The following ST6GALNAC5 variants were observed in gnomAD, a reference collection of about 807,000 sequenced individuals.
The protein encoded by ST6GALNAC5 is alpha-N-acetylgalactosaminide alpha-2,6-sialyltransferase 5.
ST6GALNAC5 carries 27 observed loss-of-function variants against 33.6 expected under a neutral mutation model. The observed-to-expected ratio is 0.80, with a 90% CI of 0.59 to 1.11. ST6GALNAC5 has a LOEUF of 1.11. ST6GALNAC5 is among the 50% of genes least tolerant of loss of function. The probability of loss-of-function intolerance (pLI) is 0.00; values close to 1 mark genes in which losing one functional copy is unlikely to be tolerated. For missense variants in ST6GALNAC5, 428 were observed against 454.0 expected (o/e 0.94, Z 0.52); for synonymous variants, 194 against 171.2 (o/e 1.13, Z -1.04).
At chr1:76,881,279 G>A (rs1533849) in intron 2 of ST6GALNAC5, among the ~76,000 whole-genome samples, 52,785 of 151,978 alleles carry the variant, frequency 0.35, 10,344 homozygotes, top group Non-Finnish European at 0.44. Flanking sequence ...CATAAGCTCC[G>A]AGTCTTAAAC....
chr1:77,063,168 CT>C lies in ST6GALNAC5; in HGVS notation c.975del (p.Ala326LeufsTer2). 1 of 1,613,784 alleles carries C rather than the reference CT, an allele frequency of 6.2e-7. No individual in the cohort carries two copies. Among genetic ancestry groups the C allele is most frequent in the Non-Finnish European group, 8.5e-7 (1 of 1,179,820 alleles). On this transcript the variant is annotated frameshift_variant, in exon 5 of 5. Coordinates refer to ENST00000477717, the MANE Select transcript of ST6GALNAC5 (RefSeq NM_030965.3). LOFTEE classifies it high-confidence loss of function. ...FFQPDWKPES[L>X]AINHPENKPV... ...TCAACCAGACTGGAAACCAGAATCA[CT>C]TGCTATAAATCATCCTGAGAATAAA...
chr1:76,975,713 T>G (rs565465747), intron 2 of ST6GALNAC5, among the ~76,000 whole-genome samples: 1 of 152,198 alleles, frequency 6.6e-6, no homozygotes, highest in African/African-American at 2.4e-5. Flanking sequence ...AGTTTAAACA[T>G]GAGAAAATTT....
At chr1:76,959,077 G>T (rs977210882) in intron 2 of ST6GALNAC5, among the ~76,000 whole-genome samples, 13 of 152,136 alleles carry the variant, frequency 8.5e-5, no homozygotes, top group African/African-American at 2.9e-4. Context: ...TGGCTCTGCA[G>T]GTGTCAGATT....
intron 2 of ST6GALNAC5, among the ~76,000 whole-genome samples, chr1:76,962,897 T>G (rs1648297658): frequency 6.6e-6 from 1 of 152,240 alleles, no homozygotes; most frequent in Non-Finnish European, 1.5e-5. Context: ...AATTCTTTAC[T>G]GTTTACCAAG....
intron 2 of ST6GALNAC5, among the ~76,000 whole-genome samples, chr1:76,930,296 T>C (rs776434872): frequency 6.6e-6 from 1 of 152,192 alleles, no homozygotes; most frequent in Non-Finnish European, 1.5e-5. Context: ...GTATCTGGCA[T>C]AGAGTGCATA....
chr1:76,911,205 T>C (rs1646908133), intron 2 of ST6GALNAC5, among the ~76,000 whole-genome samples: 1 of 152,184 alleles, frequency 6.6e-6, no homozygotes, highest in African/African-American at 2.4e-5. Flanking sequence ...GATAATCATG[T>C]GGTTTTTGTC....
intron 2 of ST6GALNAC5, among the ~76,000 whole-genome samples, chr1:77,011,837 A>G (rs1161729657): frequency 6.6e-6 from 1 of 152,214 alleles, no homozygotes; most frequent in East Asian, 1.9e-4. Context: ...AATGATAATA[A>G]TATAGTAACT....
intron 2 of ST6GALNAC5, among the ~76,000 whole-genome samples, chr1:76,870,838 AG>A (rs1231290684): frequency 1.3e-5 from 2 of 152,198 alleles, no homozygotes; most frequent in Non-Finnish European, 2.9e-5. Context: ...CTATACCCAA[AG>A]GTTTTGAGGG....
intron 2 of ST6GALNAC5, among the ~76,000 whole-genome samples, chr1:76,989,318 G>A (rs1252868828): frequency 2.0e-5 from 3 of 149,878 alleles, no homozygotes; most frequent in Non-Finnish European, 4.4e-5. Context: ...TTCCTTAGTT[G>A]TGCAAGCTCA....
intron 2 of ST6GALNAC5, among the ~76,000 whole-genome samples, chr1:76,922,833 G>A (rs1647047833): frequency 6.6e-6 from 1 of 151,944 alleles, no homozygotes; most frequent in Admixed American, 6.6e-5. Context: ...CTACTCGGGA[G>A]GCTGAAGAGG....
intron 2 of ST6GALNAC5, among the ~76,000 whole-genome samples, chr1:76,906,380 G>A (rs1035726224): frequency 6.6e-6 from 1 of 152,146 alleles, no homozygotes; most frequent in Admixed American, 6.6e-5. Context: ...AAATGAAGTG[G>A]CAGTGTCTTT....
chr1:77,003,719 T>C (rs2100414016), intron 2 of ST6GALNAC5, among the ~76,000 whole-genome samples: 1 of 152,060 alleles, frequency 6.6e-6, no homozygotes, highest in Non-Finnish European at 1.5e-5. Context: ...TTTGCTTGTC[T>C]GTAAAGGATT....
intron 2 of ST6GALNAC5, among the ~76,000 whole-genome samples, chr1:76,964,098 G>T (rs1397773206): frequency 3.3e-5 from 5 of 152,114 alleles, no homozygotes; most frequent in Non-Finnish European, 7.4e-5. Context: ...CCAACACTTT[G>T]ATCTTAGCCC....
At chr1:76,970,018 A>C (rs985135711) in intron 2 of ST6GALNAC5, among the ~76,000 whole-genome samples, 4 of 152,094 alleles carry the variant, frequency 2.6e-5, no homozygotes, top group Non-Finnish European at 5.9e-5. Context: ...AGGACAAAAA[A>C]GGACATCCAC....
At chr1:76,930,630 T>C (rs1647130888) in intron 2 of ST6GALNAC5, among the ~76,000 whole-genome samples, 1 of 152,136 alleles carries the variant, frequency 6.6e-6, no homozygotes, top group South Asian at 2.1e-4. Flanking sequence ...AAGTCAGGAA[T>C]TTTTTTCTTC....
chr1:76,989,323 AGCTCATATCTTAT>A (rs1649631009), intron 2 of ST6GALNAC5, among the ~76,000 whole-genome samples: 1 of 151,506 alleles, frequency 6.6e-6, no homozygotes, highest in Non-Finnish European at 1.5e-5. Context: ...TAGTTGTGCA[AGCTCATATCTTAT>A]CTCTTCCTGC....
At chr1:76,966,481 G>C (rs1648486128) in intron 2 of ST6GALNAC5, among the ~76,000 whole-genome samples, 1 of 152,216 alleles carries the variant, frequency 6.6e-6, no homozygotes, top group Admixed American at 6.5e-5. Context: ...TTGCTTATCA[G>C]CTTAAGGAGA....
intron 2 of ST6GALNAC5, among the ~76,000 whole-genome samples, chr1:77,029,854 TC>T (rs1313485127): frequency 1.3e-5 from 2 of 152,244 alleles, no homozygotes; most frequent in African/African-American, 4.8e-5. Flanking sequence ...TGTTGAAGGT[TC>T]CAAATTGATT....
intron 2 of ST6GALNAC5, among the ~76,000 whole-genome samples, chr1:76,948,296 G>C (rs1036140075): frequency 1.3e-5 from 2 of 152,138 alleles, no homozygotes; most frequent in African/African-American, 4.8e-5. Flanking sequence ...GATGTGAAGT[G>C]GATCTTACCA....
Sources: allele counts gnomAD v4.1 joint callset (sites outside exome capture counted in the v4.1 genomes callset), GRCh38; gene constraint gnomAD v4.1.1; transcripts MANE v1.5; gene names NCBI Gene and HGNC (gene_info 2026-07-23, HGNC 2026-07-21).